Variants in EGFLAM observed in about 807,000 individuals in gnomAD.
The protein encoded by EGFLAM is pikachurin.
EGFLAM carries 79 observed loss-of-function variants against 113.1 expected under a neutral mutation model. The observed-to-expected ratio is 0.70, with a 90% CI of 0.58 to 0.84. The LOEUF is 0.84. Ranked by LOEUF, EGFLAM falls within the 40% of genes least tolerant of loss-of-function variation. The pLI is 0.00. For missense variants in EGFLAM, 1,265 were observed against 1,291.6 expected, an observed-to-expected ratio of 0.98 and a Z score of 0.32; for synonymous variants, 504 against 487.6, an observed-to-expected ratio of 1.03 and a Z score of -0.44.
At chr5:38,423,122 C>T (rs1473284316) in intron 12 of EGFLAM, among the ~76,000 whole-genome samples, 1 of 152,310 alleles carries the variant, frequency 6.6e-6, no homozygotes, top group Non-Finnish European at 1.5e-5. Context: ...CTGTTCACAG[C>T]CACTCTCATT....
intron 3 of EGFLAM, among the ~76,000 whole-genome samples, chr5:38,341,190 G>C (rs1406592480): frequency 6.6e-6 from 1 of 152,208 alleles, no homozygotes; most frequent in Non-Finnish European, 1.5e-5. Flanking sequence ...GTGAACTACT[G>C]TATTAGTCCG....
intron 1 of EGFLAM, among the ~76,000 whole-genome samples, chr5:38,261,667 G>C (rs1051783126): frequency 6.6e-6 from 1 of 152,198 alleles, no homozygotes; most frequent in Non-Finnish European, 1.5e-5. Context: ...AGCCTAGGTG[G>C]AGGCTGCTGT....
At position 38,358,318 on chromosome 5, in the gene EGFLAM, G is replaced by A. The variant is rs180787670; in HGVS notation, c.545+5987G>A. Among the ~76,000 whole-genome samples, 327 of 151,056 alleles carry A rather than the reference G, an allele frequency of 2.2e-3. 2 individuals carry two copies. The highest frequency in any genetic ancestry group is 4.3e-3 in the Admixed American group (65 of 15,136). On this transcript the variant is annotated intron_variant, in intron 5 of 21. Transcript: ENST00000322350. Reference sequence around the variant, plus strand: ...AAAAGTTGGCCGGGCGAGGTGGCGGGCACCTGTAGTCCCAGCTACTCGGGA... The same window carrying A: ...AAAAGTTGGCCGGGCGAGGTGGCGGACACCTGTAGTCCCAGCTACTCGGGA...
intron 10 of EGFLAM, 66 bp from the exon 11 acceptor site, chr5:38,412,438 A>G (rs1342046872): frequency 3.7e-6 from 6 of 1,612,280 alleles, no homozygotes; most frequent in East Asian, 2.2e-5. Context: ...AGTGACGTCC[A>G]CGGAATCTGA....
chr5:38,421,406 C>G (rs1741818181), intron 12 of EGFLAM, among the ~76,000 whole-genome samples: 1 of 152,246 alleles, frequency 6.6e-6, no homozygotes. Context: ...TATCCCCACT[C>G]TGCTGGAGCA....
chr5:38,258,978 C>A, intron 1 of EGFLAM, 127 bp downstream of exon 1: 1 of 1,056,162 alleles, frequency 9.5e-7, no homozygotes, highest in Non-Finnish European at 1.3e-6. Flanking sequence ...CTCGCTTCAG[C>A]TCTGCCAGGA....
intron 1 of EGFLAM, among the ~76,000 whole-genome samples, chr5:38,330,710 G>A (rs1284385145): frequency 1.3e-5 from 2 of 152,194 alleles, no homozygotes; most frequent in Admixed American, 6.5e-5. Context: ...AGCAAAGGAA[G>A]CAAGAAATAT....
chr5:38,378,960 T>C (rs1261295565), intron 6 of EGFLAM, among the ~76,000 whole-genome samples: 1 of 152,214 alleles, frequency 6.6e-6, no homozygotes, highest in East Asian at 1.9e-4. Flanking sequence ...CATGCCTAGT[T>C]ACTAAAGGAT....
intron 6 of EGFLAM, among the ~76,000 whole-genome samples, chr5:38,399,466 T>C (rs112330944): frequency 0.029 from 4,403 of 152,022 alleles, 245 homozygotes; most frequent in African/African-American, 0.1. Context: ...TTGTTAGATA[T>C]GGGTTTTCGC....
intron 1 of EGFLAM, among the ~76,000 whole-genome samples, chr5:38,279,830 T>C (rs773016738): frequency 6.6e-6 from 1 of 152,116 alleles, no homozygotes; most frequent in African/African-American, 2.4e-5. Flanking sequence ...TTAATGATGA[T>C]ATATTGTATT....
intron 5 of EGFLAM, among the ~76,000 whole-genome samples, chr5:38,359,305 T>C (rs1346865445): frequency 6.6e-6 from 1 of 152,224 alleles, no homozygotes; most frequent in Non-Finnish European, 1.5e-5. Context: ...CCTTATTGGC[T>C]AAAACTGCTT....
At chr5:38,321,517 A>G (rs1475804620) in intron 1 of EGFLAM, among the ~76,000 whole-genome samples, 2 of 152,196 alleles carry the variant, frequency 1.3e-5, no homozygotes, top group African/African-American at 4.8e-5. Flanking sequence ...CACACAGAGT[A>G]GGTACTTGGA....
chr5:38,313,722 G>A (rs1486931973), intron 1 of EGFLAM, among the ~76,000 whole-genome samples: 1 of 152,090 alleles, frequency 6.6e-6, no homozygotes, highest in Non-Finnish European at 1.5e-5. Flanking sequence ...GCAATAAGTT[G>A]TACTTCTTTA....
intron 11 of EGFLAM, among the ~76,000 whole-genome samples, chr5:38,416,413 C>T (rs56297005): frequency 0.15 from 23,194 of 152,086 alleles, 1,874 homozygotes; most frequent in East Asian, 0.24. Context: ...CTCTGGAGTA[C>T]AAATTATACC....
intron 1 of EGFLAM, among the ~76,000 whole-genome samples, chr5:38,328,411 T>C (rs1738944806): frequency 6.6e-6 from 1 of 152,226 alleles, no homozygotes; most frequent in Admixed American, 6.5e-5. Context: ...TAGCCTTCTC[T>C]TCTTTTAAGA....
At chr5:38,427,471 A>G (rs1742054949) in intron 14 of EGFLAM, 5 of 636,720 alleles carry the variant, frequency 7.9e-6, no homozygotes, top group Admixed American at 3.4e-5. Context: ...TCAAATAACT[A>G]CCCAACAGGT....
In EGFLAM at chr5:38,258,850, A is replaced by G. The variant is rs1757423576; in HGVS notation, c.96A>G (p.Pro32=). The change falls in exon 1 of 22, where the codon CCA becomes CCG. Residue 32 remains proline (P), a splice_region_variant and synonymous_variant. Coordinates refer to ENST00000322350, the MANE Select transcript of EGFLAM (RefSeq NM_152403.4). ...AVSLRAAIRK[P]GKVGPPLDIK... is the part of the protein sequence containing the mutation. ...CGCTCCGAGCGGCCATCCGAAAACC[A>G]GGTAATGCGCTCCTCCGCCCAGAGC... is the stretch of plus-strand genomic sequence containing the variant. The G allele has an allele frequency of 1.2e-6, 2 of 1,611,444 alleles. No individual in the cohort carries two copies. The highest frequency in any genetic ancestry group is 1.7e-6 in the Non-Finnish European group (2 of 1,179,192).
intron 1 of EGFLAM, among the ~76,000 whole-genome samples, chr5:38,331,039 CA>C (rs1739027027): frequency 6.6e-6 from 1 of 151,834 alleles, no homozygotes; most frequent in African/African-American, 2.4e-5. Context: ...GAAAAATAGC[CA>C]AAAAAAGATG....
chr5:38,429,161 CACG>C (rs1253736724), intron 14 of EGFLAM, among the ~76,000 whole-genome samples: 1 of 152,102 alleles, frequency 6.6e-6, no homozygotes. Flanking sequence ...ATTAAAAAAT[CACG>C]ACAATTGGAA....
Sources: allele counts gnomAD v4.1 joint callset (sites outside exome capture counted in the v4.1 genomes callset), GRCh38; gene constraint gnomAD v4.1.1; transcripts MANE v1.5; gene names NCBI Gene and HGNC (gene_info 2026-07-23, HGNC 2026-07-21).